The following CLDN22 variants were observed in gnomAD, a reference collection of about 807,000 sequenced individuals.
CLDN22 encodes the protein claudin 22.
For missense variants in CLDN22, 227 were observed against 252.2 expected, an observed-to-expected ratio of 0.90 and a Z score of 0.68; for synonymous variants, 86 against 107.9, an observed-to-expected ratio of 0.80 and a Z score of 1.26.
At position 183,319,931 on chromosome 4, in the gene CLDN22, C is replaced by G; in HGVS notation, c.288G>C (p.Leu96=). 3 of 1,613,524 alleles carry G rather than the reference C, an allele frequency of 1.9e-6. No homozygotes were observed. The highest frequency in any genetic ancestry group is 2.5e-6 in the Non-Finnish European group (3 of 1,179,660). ...AACAGTCCAGGCCAAACCCAGAGAC[C>G]AGCAGGCCCAGAAATCCCAGCCCAT... ...LSNGLGFLGL[L]VSGFGLDCLR... The change falls in exon 1 of 1, where the codon CTG becomes CTC. Residue 96 remains leucine (L), a synonymous_variant. Transcript: ENST00000323319.
In CLDN22 at chr4:183,319,723, G is replaced by C. The variant is rs755176953; in HGVS notation, c.496C>G (p.Leu166Val). ...FVPRWEFGEA[L>V]FLGWFAGLSL... ...AGTCCAGCAAACCAGCCCAGAAACA[G>C]GGCCTCCCCAAACTCCCACCTGGGG... Residue 166 changes from leucine (L) to valine (V), a missense_variant, in exon 1 of 1, where the codon CTG becomes GTG. Leu to Val is a conservative substitution (Grantham distance 32, BLOSUM62 1). Transcript: ENST00000323319. 3.3e-5 allele frequency: 53 copies of C among 1,613,958 alleles called. No homozygotes were observed. Among genetic ancestry groups the C allele is most frequent in the Non-Finnish European group, 4.1e-5 (48 of 1,180,008 alleles).
In CLDN22 at chr4:183,320,214, G is replaced by A. The variant is rs756999287; in HGVS notation, c.5C>T (p.Ala2Val). The change falls in exon 1 of 1, where the codon GCT (alanine) becomes GTT (valine). Residue 2 changes from alanine (A) to valine (V), a missense_variant. By Grantham distance (64) the Ala-to-Val change is moderately conservative. Coordinates refer to ENST00000323319, the MANE Select transcript of CLDN22 (RefSeq NM_001111319.3). M[A>V]LVFRTVAQLA... The stretch of plus-strand genomic sequence containing the variant: ...TTGAGCTACAGTTCTAAATACTAAA[G>A]CCATTATAATGTCCTGAGAGCTTTA... The A allele has an allele frequency of 1.4e-5, 22 of 1,612,652 alleles. No homozygotes were observed. Among genetic ancestry groups the A allele is most frequent in the Non-Finnish European group, 1.9e-5 (22 of 1,179,354 alleles).
rs769359354 is a variant in CLDN22 at position 183,319,605 on chromosome 4, T to C, written c.614A>G (p.Gln205Arg). The change falls in exon 1 of 1, where the codon CAA becomes CGA. Residue 205 changes from glutamine (Q) to arginine (R), a missense_variant. Physicochemically the swap from Gln to Arg is conservative, Grantham distance 43 (BLOSUM62 1). Transcript: ENST00000323319. ...CGTCTCCAGTTCTTGATGATGATCT[T>C]GTGTTTGTGCCACTGCGTAGTGGCC... ...ASGHYAVAQT[Q>R]DHHQELETRN... is the part of the protein sequence containing the mutation. The C allele has an allele frequency of 2.6e-5, 42 of 1,613,626 alleles. No homozygotes were observed. The highest frequency in any genetic ancestry group is 3.6e-5 in the Non-Finnish European group (42 of 1,179,882).
rs767754120 is a variant in CLDN22 at position 183,319,813 on chromosome 4, G to T, written c.406C>A (p.Pro136Thr). Residue 136 changes from proline to threonine, a missense_variant, in exon 1 of 1, where the codon CCC becomes ACC. Physicochemically the swap from Pro to Thr is conservative, Grantham distance 38. Transcript: ENST00000323319. ...GTCTTGTGGGCAACCCAAGAGACGG[G>T]AACCAGGGCTGTGACTCCCGAGGCC... Reference protein sequence around the residue: ...SWASGVTALVPVSWVAHKTVQ... With the variant: ...SWASGVTALVTVSWVAHKTVQ... 84 of 1,613,836 alleles carry T rather than the reference G, an allele frequency of 5.2e-5. No homozygotes were observed. Among genetic ancestry groups the T allele is most frequent in the Non-Finnish European group, 6.9e-5 (82 of 1,179,906 alleles).
rs368133465 is a variant in CLDN22, at chr4:183,320,261, C to T, written c.-43G>A. 173 of 1,545,234 alleles carry T rather than the reference C, an allele frequency of 1.1e-4. 1 individual carries two copies. The highest frequency in any genetic ancestry group is 1.2e-4 in the Non-Finnish European group (140 of 1,140,260). ...TTTAGCCAAACTAACTCCTGCCCTT[C>T]GGTTGCTGTGAAAAGAAGTGTGACA... On this transcript the variant is annotated 5_prime_UTR_variant, in exon 1 of 1. Coordinates refer to ENST00000323319, the MANE Select transcript of CLDN22 (RefSeq NM_001111319.3).
rs1157917208 is a variant in CLDN22 at position 183,320,199 on chromosome 4, G to A, written c.20C>T (p.Thr7Ile). The change falls in exon 1 of 1, where the codon ACT becomes ATT. Residue 7 changes from threonine (T) to isoleucine (I), a missense_variant. By Grantham distance (89) the Thr-to-Ile change is moderately conservative. Coordinates refer to ENST00000323319, the MANE Select transcript of CLDN22 (RefSeq NM_001111319.3). The stretch of plus-strand genomic sequence containing the variant: ...TGAAACTCCAGCTAGTTGAGCTACA[G>A]TTCTAAATACTAAAGCCATTATAAT... The part of the protein sequence containing the change: MALVFR[T>I]VAQLAGVSLS... The A allele has an allele frequency of 6.2e-7, 1 of 1,613,634 alleles. No homozygotes were observed. The highest frequency in any genetic ancestry group is 1.3e-5 in the African/African-American group (1 of 74,838).
chr4:183,319,447 A>T lies in CLDN22; in HGVS notation c.*109T>A. On this transcript the variant is annotated 3_prime_UTR_variant, in exon 1 of 1. Coordinates refer to ENST00000323319, the MANE Select transcript of CLDN22 (RefSeq NM_001111319.3). ...TATAGTTTAATAGCCACAGGAAAAGATGCATTTTCAAAAATCAAAAGCACA... is the reference window on the plus strand; with the variant it reads ...TATAGTTTAATAGCCACAGGAAAAGTTGCATTTTCAAAAATCAAAAGCACA... The T allele has an allele frequency of 6.1e-6, 7 of 1,143,808 alleles. No homozygotes were observed. Among genetic ancestry groups the T allele is most frequent in the Non-Finnish European group, 8.7e-6 (7 of 800,902 alleles). 70.9% of individuals were successfully genotyped at this position (1,143,808 alleles called of 1,614,324 possible).
chr4:183,318,458 T>A lies in CLDN22; in HGVS notation c.*1098A>T, dbSNP rs772267389. The A allele has an allele frequency of 1.3e-5, 2 of 150,320 alleles. No individual in the cohort carries two copies. Among genetic ancestry groups the A allele is most frequent in the Non-Finnish European group, 3.0e-5 (2 of 67,680 alleles). The allele number at this position is 150,320 out of a possible 1,614,324, so 9.3% of individuals were successfully genotyped here. The stretch of plus-strand genomic sequence containing the variant: ...GATTAACTGGTTTCTGCACTTTCCA[T>A]GTGTTTGTGGGTGGAAAAAAATTCA... On this transcript the variant is annotated 3_prime_UTR_variant, in exon 1 of 1. Transcript: ENST00000323319.
At position 183,318,531 on chromosome 4, in the gene CLDN22, A is replaced by C. The variant is rs1739520192; in HGVS notation, c.*1025T>G. 1 of 152,314 alleles carries C rather than the reference A, an allele frequency of 6.6e-6. No homozygotes were observed. The highest frequency in any genetic ancestry group is 2.4e-5 in the African/African-American group (1 of 41,346). The allele number at this position is 152,314 out of a possible 1,614,324, so 9.4% of individuals were successfully genotyped here. Reference sequence around the variant, plus strand: ...GCAAAAACAAAGCTACATATTGCCTAATACTCTATTTCAGTGTCGTTTATT... The same window carrying C: ...GCAAAAACAAAGCTACATATTGCCTCATACTCTATTTCAGTGTCGTTTATT... On this transcript the variant is annotated 3_prime_UTR_variant, in exon 1 of 1. Coordinates refer to ENST00000323319, the MANE Select transcript of CLDN22 (RefSeq NM_001111319.3).
At position 183,319,781 on chromosome 4, in the gene CLDN22, C is replaced by T. The variant is rs1211885802; in HGVS notation, c.438G>A (p.Gln146=). Residue 146 remains glutamine (Q), a synonymous_variant, in exon 1 of 1, where the codon CAG becomes CAA. Transcript: ENST00000323319. ...CTGGGACGTTCTCATCCCAGAACTC[C>T]TGAACCGTCTTGTGGGCAACCCAAG... ...PVSWVAHKTV[Q]EFWDENVPDF... is the part of the protein sequence containing the mutation. The T allele has an allele frequency of 6.2e-7, 1 of 1,613,904 alleles. No individual in the cohort carries two copies. Among genetic ancestry groups the T allele is most frequent in the African/African-American group, 1.3e-5 (1 of 74,904 alleles).
Position 183,319,561 on chromosome 4 carries a change from G to GT in CLDN22, c.657dup (p.His220ThrfsTer22). 6.8e-6 allele frequency: 11 copies of GT among 1,609,580 alleles called. No individual in the cohort carries two copies. The highest frequency in any genetic ancestry group is 9.3e-6 in the Non-Finnish European group (11 of 1,177,726). On this transcript the variant is annotated frameshift_variant, in exon 1 of 1. Transcript: ENST00000323319. LOFTEE classifies it high-confidence loss of function. ...AGACGCTTGTCCTTTCTGGCTTAGT[G>GT]TTTCAGGTTGGTGTTTCTCGTCTCC...
Position 183,319,476 on chromosome 4 carries a change from A to G in CLDN22, c.*80T>C, listed in dbSNP as rs986371714. 2.2e-6 allele frequency: 3 copies of G among 1,363,850 alleles called. No individual in the cohort carries two copies. The highest frequency in any genetic ancestry group is 2.9e-5 in the African/African-American group (2 of 68,400). The allele number at this position is 1,363,850 out of a possible 1,614,324, so 84.5% of individuals were successfully genotyped here. ...ATTTTCAAAAATCAAAAGCACAGTG[A>G]GATGACTAGAGCGGGACATCCTACC... On this transcript the variant is annotated 3_prime_UTR_variant, in exon 1 of 1. Coordinates refer to ENST00000323319, the MANE Select transcript of CLDN22 (RefSeq NM_001111319.3).
In CLDN22 at chr4:183,319,889, A is replaced by C. The variant is rs565395129; in HGVS notation, c.330T>G (p.Ser110Arg). 59 of 1,613,634 alleles carry C rather than the reference A, an allele frequency of 3.7e-5. No homozygotes were observed. In the East Asian group the frequency reaches 1.3e-3, roughly 36 times the overall value. Residue 110 changes from serine to arginine, a missense_variant, in exon 1 of 1, where the codon AGT (serine) becomes AGG (arginine). Transcript: ENST00000323319. ...FGLDCLRIGE[S>R]QRDLKRRLLI... ...GCAGTCGCCTCTTGAGATCTCTCTG[A>C]CTCTCTCCAATTCTCAAACAGTCCA...
Position 183,319,255 on chromosome 4 carries a change from C to A in CLDN22, c.*301G>T. The A allele has an allele frequency of 7.5e-6, 2 of 267,280 alleles. No homozygotes were observed. Among genetic ancestry groups the A allele is most frequent in the Non-Finnish European group, 7.0e-6 (1 of 141,970 alleles). 16.6% of individuals were successfully genotyped at this position (267,280 alleles called of 1,614,324 possible). On this transcript the variant is annotated 3_prime_UTR_variant, in exon 1 of 1. Transcript: ENST00000323319. ...TGATTCCGCTCCATATGAATAATAC[C>A]TTCAAAGATACATAGAGATTAATGT... is the stretch of plus-strand genomic sequence containing the variant.
In CLDN22 at chr4:183,319,095, T is replaced by G. The variant is rs1257303731; in HGVS notation, c.*461A>C. The stretch of plus-strand genomic sequence containing the variant: ...AGATGATGTGTCTACACCTTTCACC[T>G]CTGAAGCTTCTAAAGAGCTAGTAAT... On this transcript the variant is annotated 3_prime_UTR_variant, in exon 1 of 1. Coordinates refer to ENST00000323319, the MANE Select transcript of CLDN22 (RefSeq NM_001111319.3). 1 of 158,584 alleles carries G rather than the reference T, an allele frequency of 6.3e-6. No individual in the cohort carries two copies. Among genetic ancestry groups the G allele is most frequent in the Non-Finnish European group, 1.4e-5 (1 of 71,588 alleles). The allele number at this position is 158,584 out of a possible 1,614,324, so 9.8% of individuals were successfully genotyped here.
chr4:183,320,176 A>C lies in CLDN22; in HGVS notation c.43T>G (p.Ser15Ala). 5 of 1,614,164 alleles carry C rather than the reference A, an allele frequency of 3.1e-6. No individual in the cohort carries two copies. The highest frequency in any genetic ancestry group is 3.4e-6 in the Non-Finnish European group (4 of 1,180,026). ...FRTVAQLAGV[S>A]LSLLGWVLSC... ...AAAACCCATCCCAGCAAAGATAATG[A>C]AACTCCAGCTAGTTGAGCTACAGTT... is the stretch of plus-strand genomic sequence containing the variant. Residue 15 changes from serine (S) to alanine (A), a missense_variant, in exon 1 of 1, where the codon TCA becomes GCA. By Grantham distance (99) the Ser-to-Ala change is moderately conservative. Coordinates refer to ENST00000323319, the MANE Select transcript of CLDN22 (RefSeq NM_001111319.3).
At position 183,319,337 on chromosome 4, in the gene CLDN22, T is replaced by G. The variant is rs538043173; in HGVS notation, c.*219A>C. 1 of 516,018 alleles carries G rather than the reference T, an allele frequency of 1.9e-6. No individual in the cohort carries two copies. Among genetic ancestry groups the G allele is most frequent in the Non-Finnish European group, 3.4e-6 (1 of 295,960 alleles). The allele number at this position is 516,018 out of a possible 1,614,324, so 32.0% of individuals were successfully genotyped here. On this transcript the variant is annotated 3_prime_UTR_variant, in exon 1 of 1. Coordinates refer to ENST00000323319, the MANE Select transcript of CLDN22 (RefSeq NM_001111319.3). ...TAAAATTGAGAAAACTCATCCACAG[T>G]AATGGGTGTCATTACTATTCAGTCT...
Position 183,319,259 on chromosome 4 carries a change from A to G in CLDN22, c.*297T>C. On this transcript the variant is annotated 3_prime_UTR_variant, in exon 1 of 1. Transcript: ENST00000323319. ...TCCGCTCCATATGAATAATACCTTC[A>G]AAGATACATAGAGATTAATGTTTTA... is the stretch of plus-strand genomic sequence containing the variant. 3.6e-6 allele frequency: 1 copy of G among 277,942 alleles called. No individual in the cohort carries two copies. The highest frequency in any genetic ancestry group is 6.7e-6 in the Non-Finnish European group (1 of 148,932). The allele number at this position is 277,942 out of a possible 1,614,324, so 17.2% of individuals were successfully genotyped here. A position where few individuals can be genotyped will look rare whatever the true frequency, so the allele number is the denominator to read the frequency against.
In CLDN22 at chr4:183,318,700, A is replaced by T. The variant is rs1345961717; in HGVS notation, c.*856T>A. 1 of 152,218 alleles carries T rather than the reference A, an allele frequency of 6.6e-6. No individual in the cohort carries two copies. Among genetic ancestry groups the T allele is most frequent in the African/African-American group, 2.4e-5 (1 of 41,450 alleles). The allele number at this position is 152,218 out of a possible 1,614,324, so 9.4% of individuals were successfully genotyped here. On this transcript the variant is annotated 3_prime_UTR_variant, in exon 1 of 1. Transcript: ENST00000323319. ...TGTTGGAACTATATGTATTGCTGAT[A>T]AAAAAGGACGAAGTATTTTCATTGA...
Sources: allele counts gnomAD v4.1 joint callset, GRCh38; gene constraint gnomAD v4.1.1; transcripts MANE v1.5; gene names NCBI Gene and HGNC (gene_info 2026-07-23, HGNC 2026-07-21).